Variants in AGAP1 observed in about 807,000 individuals in gnomAD.
The protein encoded by AGAP1 is ArfGAP with GTPase domain, ankyrin repeat and PH domain 1.
A neutral mutation model predicts 105.3 loss-of-function variants in AGAP1; 29 were observed. The ratio of observed to expected loss-of-function variants is 0.28; its 90% CI spans 0.21 to 0.38. The LOEUF (loss-of-function observed/expected upper bound fraction) is 0.38, where lower values mean the gene tolerates loss of function less well. AGAP1 is among the 10% of genes least tolerant of loss of function. The pLI is 1.00. For synonymous variants in AGAP1, 509 were observed against 485.9 expected (o/e 1.05, Z -0.63); for missense variants, 998 against 1,165.1 (o/e 0.86, Z 2.09).
chr2:236,034,829 G>A (rs1490633653), intron 13 of AGAP1, among the ~76,000 whole-genome samples: 1 of 152,246 alleles, frequency 6.6e-6, no homozygotes, highest in Non-Finnish European at 1.5e-5. Context: ...TCAGCACCTA[G>A]GGAGTCACAG....
intron 1 of AGAP1, among the ~76,000 whole-genome samples, chr2:235,554,349 G>T (rs1452106928): frequency 6.6e-6 from 1 of 152,198 alleles, no homozygotes; most frequent in Non-Finnish European, 1.5e-5. Flanking sequence ...TTGTTTTGAG[G>T]TCCCTCCCAG....
At chr2:235,802,693 GATGATGGTTGTGATA>G (rs1475104776) in intron 8 of AGAP1, among the ~76,000 whole-genome samples, 3,265 of 151,918 alleles carry the variant, frequency 0.021, 125 homozygotes, top group African/African-American at 0.076. Flanking sequence ...TTGTGGTGGT[GATGATGGTTGTGATA>G]ATGATGGTTG....
At position 235,750,292 on chromosome 2, in the gene AGAP1, T is replaced by C; in HGVS notation, c.539-62T>C. On this transcript the variant is annotated intron_variant, in intron 5 of 17. Transcript: ENST00000304032. The surrounding 1 kb of genome is among the most constrained non-coding windows in gnomAD (Gnocchi z 5.3). ...TACTGGTTTTCCGTGTTGTGGGGAG[T>C]GTAGGAAGTATTTAGAGCTGTCATT... The C allele has an allele frequency of 1.2e-6, 2 of 1,602,720 alleles. No homozygotes were observed. The highest frequency in any genetic ancestry group is 8.5e-7 in the Non-Finnish European group (1 of 1,170,956).
Position 235,970,643 on chromosome 2 carries a change from C to T in AGAP1, c.1645+2020C>T, listed in dbSNP as rs192371895. ...TATGCACAACCTGGTGGGAACTGAC[C>T]GTTGCCACTTAGATACACGTTCATT... On this transcript the variant is annotated intron_variant, in intron 13 of 17. Transcript: ENST00000304032. This position sits in a 1 kb window ranked among gnomAD's most constrained non-coding sequence, Gnocchi z 5.4. Among the ~76,000 whole-genome samples, 3 of 152,306 alleles carry T rather than the reference C, an allele frequency of 2.0e-5. No homozygotes were observed. Among genetic ancestry groups the T allele is most frequent in the African/African-American group, 2.4e-5 (1 of 41,572 alleles).
intron 6 of AGAP1, among the ~76,000 whole-genome samples, chr2:235,794,991 T>A (rs1300302158): frequency 1.3e-5 from 2 of 152,208 alleles, no homozygotes; most frequent in African/African-American, 4.8e-5. Flanking sequence ...TGGGGTAATA[T>A]TCACATGTTA....
intron 16 of AGAP1, among the ~76,000 whole-genome samples, chr2:236,077,008 G>A (rs1412049695): frequency 6.6e-6 from 1 of 151,232 alleles, no homozygotes; most frequent in Non-Finnish European, 1.5e-5. Context: ...TACTCCAGAG[G>A]CTGAGGCGGG....
chr2:235,951,677 T>C lies in AGAP1; in HGVS notation c.1484-16785T>C, dbSNP rs1236814874. Among the ~76,000 whole-genome samples, 5 of 152,206 alleles carry C rather than the reference T, an allele frequency of 3.3e-5. No individual in the cohort carries two copies. ...CTTTGCTACAGCTGTTGTTTCTCACTGATTCATTCTCGGGAATCGCTTGTT... is the reference window on the plus strand; with the variant it reads ...CTTTGCTACAGCTGTTGTTTCTCACCGATTCATTCTCGGGAATCGCTTGTT... On this transcript the variant is annotated intron_variant, in intron 12 of 17. Transcript: ENST00000304032. The surrounding 1 kb of genome is among the most constrained non-coding windows in gnomAD (Gnocchi z 4.2).
chr2:235,907,144 T>C (rs1181919565), intron 10 of AGAP1, among the ~76,000 whole-genome samples: 1 of 152,210 alleles, frequency 6.6e-6, no homozygotes, highest in Non-Finnish European at 1.5e-5. Context: ...CAAGTTTCCT[T>C]GTCCCTGAGA....
Position 235,752,103 on chromosome 2 carries a change from A to G in AGAP1, c.673+1615A>G, listed in dbSNP as rs886532573. On this transcript the variant is annotated intron_variant, in intron 6 of 17. Transcript: ENST00000304032. The surrounding 1 kb of genome is among the most constrained non-coding windows in gnomAD (Gnocchi z 4.3). ...CGCTGCGCTGCCGAGGCCCCTGTGA[A>G]TGTTGAAGTAAAGCGTCGTAGATGA... Among the ~76,000 whole-genome samples, 6 of 152,198 alleles carry G rather than the reference A, an allele frequency of 3.9e-5. No homozygotes were observed. The highest frequency in any genetic ancestry group is 1.3e-4 in the Admixed American group (2 of 15,286).
chr2:236,060,943 G>C (rs2058177257), intron 16 of AGAP1, among the ~76,000 whole-genome samples: 1 of 151,666 alleles, frequency 6.6e-6, no homozygotes, highest in East Asian at 2.0e-4. Flanking sequence ...CACACCTGTA[G>C]TCCCAGCTAC....
intron 6 of AGAP1, chr2:235,773,942 A>T (rs779586883): frequency 1.0e-4 from 47 of 469,734 alleles, no homozygotes; most frequent in South Asian, 6.9e-4. Flanking sequence ...TCAACTCTTC[A>T]TCTCACCTGC....
At chr2:235,709,372 G>A in intron 2 of AGAP1, 135 bp downstream of exon 2, 1 of 1,022,890 alleles carries the variant, frequency 9.8e-7, no homozygotes. Context: ...TTCCTGGGAA[G>A]GGCCAGGTAT....
chr2:235,828,921 C>T (rs1216516679), intron 9 of AGAP1, among the ~76,000 whole-genome samples: 2 of 152,226 alleles, frequency 1.3e-5, no homozygotes, highest in Non-Finnish European at 2.9e-5. Context: ...ACACAGCTCT[C>T]AGACGCAGCC....
rs143113958 is a variant in AGAP1, at chr2:235,745,453, C to T, written c.538+614C>T. 4.3e-3 allele frequency among the ~76,000 whole-genome samples: 654 copies of T among 152,296 alleles called. 2 individuals carry two copies. Among genetic ancestry groups the T allele is most frequent in the South Asian group, 6.6e-3 (32 of 4,822 alleles). On this transcript the variant is annotated intron_variant, in intron 5 of 17. Coordinates refer to ENST00000304032, the MANE Select transcript of AGAP1 (RefSeq NM_001037131.3). ...CACATGGCCTGAGACACAATGTCCT[C>T]GCTCTTGATCACAGACCTATGGTTG...
At chr2:235,811,013 T>C (rs532168092) in intron 9 of AGAP1, among the ~76,000 whole-genome samples, 1 of 152,218 alleles carries the variant, frequency 6.6e-6, no homozygotes, top group African/African-American at 2.4e-5. Context: ...AGGGAGCTCC[T>C]ATGGTGCCAT....
At chr2:235,869,612 A>T (rs2049344412) in intron 9 of AGAP1, among the ~76,000 whole-genome samples, 1 of 152,156 alleles carries the variant, frequency 6.6e-6, no homozygotes, top group East Asian at 1.9e-4. Context: ...AAAATAAAAA[A>T]TAAAAGTGCC....
At chr2:235,650,466 C>T (rs1947544902) in intron 1 of AGAP1, among the ~76,000 whole-genome samples, 1 of 152,140 alleles carries the variant, frequency 6.6e-6, no homozygotes, top group Non-Finnish European at 1.5e-5. Flanking sequence ...TCTCCCTCTG[C>T]CCACTCACCC....
At chr2:235,564,260 A>G (rs1361822670) in intron 1 of AGAP1, among the ~76,000 whole-genome samples, 2 of 152,166 alleles carry the variant, frequency 1.3e-5, no homozygotes, top group Non-Finnish European at 2.9e-5. Context: ...ACCTGGCTTA[A>G]ATGACAGCCT....
intron 1 of AGAP1, among the ~76,000 whole-genome samples, chr2:235,634,237 T>C (rs1184086946): frequency 2.0e-5 from 3 of 152,238 alleles, no homozygotes; most frequent in Admixed American, 6.5e-5. Context: ...TGAGTTTGCA[T>C]TGGTGCATTG....
Sources: allele counts gnomAD v4.1 joint callset (sites outside exome capture counted in the v4.1 genomes callset), GRCh38; gene constraint gnomAD v4.1.1; non-coding constraint Gnocchi (gnomAD v3.1); transcripts MANE v1.5; gene names NCBI Gene and HGNC (gene_info 2026-07-23, HGNC 2026-07-21).